DCC: variants seen among roughly 807,000 people sequenced by gnomAD.
The protein encoded by DCC is netrin receptor DCC.
A neutral mutation model predicts 172.5 loss-of-function variants in DCC; 58 were observed. The observed-to-expected ratio is 0.34, with a 90% confidence interval of 0.27 to 0.42. The LOEUF is 0.42. Among genes scored for constraint, DCC ranks in the 10% least tolerant of loss-of-function variants. The probability of loss-of-function intolerance (pLI) is 1.00; values close to 1 mark genes in which losing one functional copy is unlikely to be tolerated. For synonymous variants in DCC, 709 were observed against 644.5 expected (o/e 1.10, Z -1.52); for missense variants, 1,740 against 1,791.0 (o/e 0.97, Z 0.51).
chr18:52,615,521 C>A (rs558061783), intron 1 of DCC, among the ~76,000 whole-genome samples: 2 of 152,154 alleles, frequency 1.3e-5, no homozygotes, highest in Non-Finnish European at 2.9e-5. Flanking sequence ...AGTATCTAGT[C>A]AGGCTTTAAA....
chr18:53,446,096 T>TAGAA (rs1167100791), intron 22 of DCC, among the ~76,000 whole-genome samples: 2 of 14,410 alleles, frequency 1.4e-4, no homozygotes, highest in African/African-American at 4.7e-4. Flanking sequence ...ACCCTGTCTC[T>TAGAA]ACAAAAAAAA....
chr18:53,235,533 A>G (rs180756428), intron 12 of DCC, among the ~76,000 whole-genome samples: 62 of 152,294 alleles, frequency 4.1e-4, no homozygotes, highest in African/African-American at 1.3e-3. Flanking sequence ...CTATGAAAGT[A>G]TCAGTTAGAG....
At chr18:53,313,945 T>C (rs969981500) in intron 13 of DCC, among the ~76,000 whole-genome samples, 1 of 152,238 alleles carries the variant, frequency 6.6e-6, no homozygotes, top group African/African-American at 2.4e-5. Context: ...TCGCAGGGTA[T>C]TTGAAAAATC....
chr18:53,311,117 A>T (rs986277428), intron 13 of DCC, among the ~76,000 whole-genome samples: 2 of 110,260 alleles, frequency 1.8e-5, no homozygotes, highest in African/African-American at 7.1e-5. Context: ...TTATTTATTT[A>T]TTTTATTTAT....
At chr18:52,635,920 G>T (rs2144889091) in intron 1 of DCC, among the ~76,000 whole-genome samples, 1 of 152,278 alleles carries the variant, frequency 6.6e-6, no homozygotes, top group African/African-American at 2.4e-5. Flanking sequence ...GCTCCAGATT[G>T]ACTACAAGAG....
At position 52,752,123 on chromosome 18, in the gene DCC, G is replaced by A. The variant is rs2037004481; in HGVS notation, c.161G>A (p.Gly54Glu). The A allele has an allele frequency of 2.5e-6, 4 of 1,614,154 alleles. No individual in the cohort carries two copies. The highest frequency in any genetic ancestry group is 3.4e-6 in the Non-Finnish European group (4 of 1,180,032). Residue 54 changes from glycine (G) to glutamate (E), a missense_variant, in exon 2 of 29, where the codon GGA becomes GAA. By Grantham distance (98) the Gly-to-Glu change is moderately conservative (BLOSUM62 -2). Around this residue, in one of 2 missense-constraint regions of DCC, gnomAD observed 1,732 missense variants for 1,767.4 expected, o/e 0.98. Coordinates refer to ENST00000442544, the MANE Select transcript of DCC (RefSeq NM_005215.4). ...CCTTCTGATGCCGTCACAATGCGGG[G>A]AGGAAATGTCCTCCTCGACTGCTCC... ...SEPSDAVTMR[G>E]GNVLLDCSAE...
chr18:52,341,919 A>G (rs1169701128), intron 1 of DCC, among the ~76,000 whole-genome samples: 1 of 152,044 alleles, frequency 6.6e-6, no homozygotes, highest in Non-Finnish European at 1.5e-5. Flanking sequence ...TCCAAATCCA[A>G]AGGAAAAACA....
intron 8 of DCC, among the ~76,000 whole-genome samples, chr18:53,171,373 G>A (rs1482281345): frequency 1.3e-5 from 2 of 152,124 alleles, no homozygotes; most frequent in Non-Finnish European, 2.9e-5. Context: ...TTGTCTTGGA[G>A]GTGTATTTAC....
chr18:53,509,402 A>C (rs2046223535), intron 27 of DCC, among the ~76,000 whole-genome samples: 1 of 152,218 alleles, frequency 6.6e-6, no homozygotes, highest in South Asian at 2.1e-4. Context: ...AGTGTTTCTC[A>C]AGTTTTGTGT....
intron 13 of DCC, among the ~76,000 whole-genome samples, chr18:53,317,894 C>G (rs1026389229): frequency 2.6e-5 from 4 of 152,020 alleles, no homozygotes; most frequent in African/African-American, 4.8e-5. Context: ...ATTTGTCTGG[C>G]TAGTGGTCTA....
Position 52,541,882 on chromosome 18 carries a change from T to TATAC in DCC, c.91+201007_91+201008insCATA, listed in dbSNP as rs2032466552. Among the ~76,000 whole-genome samples the TATAC allele has an allele frequency of 5.1e-5, 7 of 137,398 alleles. No individual in the cohort carries two copies. In the South Asian group the frequency reaches 1.7e-3, roughly 33 times the overall value. 90.1% of individuals were successfully genotyped at this position (137,398 alleles called of 152,430 possible). A position where few individuals can be genotyped will look rare whatever the true frequency, so the allele number is the denominator to read the frequency against. ...TATATGATGTGTGTGTGTGTATATA[T>TATAC]ATATATATATATATGTGTATATATA... is the stretch of plus-strand genomic sequence containing the variant. On this transcript the variant is annotated intron_variant, in intron 1 of 28. Coordinates refer to ENST00000442544, the MANE Select transcript of DCC (RefSeq NM_005215.4).
At chr18:52,818,231 T>C (rs1233794723) in intron 2 of DCC, 1 of 149,456 alleles carries the variant, frequency 6.7e-6, no homozygotes, top group Non-Finnish European at 1.5e-5. Context: ...AATTTAAAAA[T>C]TAGCTGAGTA....
chr18:53,466,587 G>T (rs778396749), intron 24 of DCC, among the ~76,000 whole-genome samples: 2 of 152,032 alleles, frequency 1.3e-5, no homozygotes, highest in Admixed American at 6.6e-5. Flanking sequence ...GTGCAGTGGC[G>T]CAATCTCAGC....
At chr18:53,075,869 G>C (rs759360263) in intron 7 of DCC, among the ~76,000 whole-genome samples, 2 of 152,100 alleles carry the variant, frequency 1.3e-5, no homozygotes, top group African/African-American at 2.4e-5. Flanking sequence ...CTGGTCTCAA[G>C]GCTGCAATTG....
intron 9 of DCC, among the ~76,000 whole-genome samples, chr18:53,192,730 T>C (rs1027201790): frequency 2.6e-5 from 4 of 152,220 alleles, no homozygotes; most frequent in African/African-American, 9.6e-5. Context: ...GTTATGAGTG[T>C]TCATACAGGA....
intron 1 of DCC, among the ~76,000 whole-genome samples, chr18:52,611,248 C>A (rs762900690): frequency 6.6e-6 from 1 of 152,058 alleles, no homozygotes; most frequent in Non-Finnish European, 1.5e-5. Context: ...AAGAAAACTC[C>A]CTCCCTGCCA....
chr18:52,781,825 T>C (rs2037549904), intron 2 of DCC, among the ~76,000 whole-genome samples: 1 of 152,128 alleles, frequency 6.6e-6, no homozygotes, highest in Non-Finnish European at 1.5e-5. Context: ...TTGGATGTTA[T>C]ACCCATCTAT....
At position 52,457,617 on chromosome 18, in the gene DCC, A is replaced by C. The variant is rs347536; in HGVS notation, c.91+116739A>C. Among the ~76,000 whole-genome samples, 1,122 of 152,286 alleles carry C rather than the reference A, an allele frequency of 7.4e-3. 14 individuals are homozygous for C. The highest frequency in any genetic ancestry group is 0.026 in the African/African-American group (1,068 of 41,548). ...AACATCCTTAAGGTATATGTTAGTA[A>C]ACGGCCAAAGAAAGAGGACTGAATT... On this transcript the variant is annotated intron_variant, in intron 1 of 28. Transcript: ENST00000442544.
At chr18:53,273,001 C>A (rs1460686420) in intron 12 of DCC, among the ~76,000 whole-genome samples, 1 of 151,986 alleles carries the variant, frequency 6.6e-6, no homozygotes. Context: ...TGGATATGAA[C>A]CTTGATTATG....
Sources: allele counts gnomAD v4.1 joint callset (sites outside exome capture counted in the v4.1 genomes callset), GRCh38; gene constraint gnomAD v4.1.1; regional missense constraint gnomAD v4.1.1; transcripts MANE v1.5; gene names NCBI Gene and HGNC (gene_info 2026-07-23, HGNC 2026-07-21).